CXADR: variants seen among roughly 807,000 people sequenced by gnomAD.
CXADR encodes the protein CXADR cell adhesion molecule.
A neutral mutation model predicts 40.3 loss-of-function variants in CXADR; 20 were observed. That is an observed-to-expected ratio of 0.50 (90% CI 0.35 to 0.72). The LOEUF (loss-of-function observed/expected upper bound fraction) is 0.72. Ranked by LOEUF, CXADR falls within the 30% of genes least tolerant of loss-of-function variation. The pLI, the probability that CXADR is intolerant of heterozygous loss-of-function variation, is 0.01. For synonymous variants in CXADR, 150 were observed against 161.3 expected (o/e 0.93, Z 0.53); for missense variants, 332 against 449.1 (o/e 0.74, Z 2.36).
At chr21:17,517,670 G>A (rs1372905810) in intron 1 of CXADR, among the ~76,000 whole-genome samples, 1 of 151,574 alleles carries the variant, frequency 6.6e-6, no homozygotes, top group Non-Finnish European at 1.5e-5. Context: ...TAAAATCGGG[G>A]AGAAATAAAA....
At chr21:17,521,878 T>C (rs962760563) in intron 1 of CXADR, among the ~76,000 whole-genome samples, 15 of 152,194 alleles carry the variant, frequency 9.9e-5, no homozygotes, top group African/African-American at 3.6e-4. Flanking sequence ...ATTCCTGAAC[T>C]TCAGACCTTT....
Position 17,521,385 on chromosome 21 carries a change from C to T in CXADR, c.43+8213C>T, listed in dbSNP as rs180893307. The stretch of plus-strand genomic sequence containing the variant: ...TTACCCAGGCTGGAGTGCAGTGGCA[C>T]GATCACGGTTCACTACAACTTCCAC... On this transcript the variant is annotated intron_variant, in intron 1 of 6. Transcript: ENST00000284878. Among the ~76,000 whole-genome samples the T allele has an allele frequency of 2.2e-4, 34 of 152,096 alleles. No individual in the cohort carries two copies. In the East Asian group the frequency reaches 6.2e-3, roughly 28 times the overall value.
intron 7 of CXADR, among the ~76,000 whole-genome samples, chr21:17,576,012 T>C (rs1426914405): frequency 7.1e-6 from 1 of 140,286 alleles, no homozygotes; most frequent in Non-Finnish European, 1.5e-5. Flanking sequence ...CACTTGAACC[T>C]GGGAGGCAGA....
At chr21:17,592,310 T>G (rs1416118402) in intron 7 of CXADR, among the ~76,000 whole-genome samples, 1 of 151,996 alleles carries the variant, frequency 6.6e-6, no homozygotes, top group African/African-American at 2.4e-5. Flanking sequence ...GTGCCTTATA[T>G]AAAATGGCTT....
intron 1 of CXADR, among the ~76,000 whole-genome samples, chr21:17,531,786 G>C (rs182502692): frequency 3.2e-4 from 48 of 151,888 alleles, no homozygotes; most frequent in Admixed American, 1.8e-3. Flanking sequence ...TCTCTTTTTG[G>C]TTTTTTAGAG....
Position 17,513,174 on chromosome 21 carries a change from T to A in CXADR, c.43+2T>A. 3 of 1,361,374 alleles carry A rather than the reference T, an allele frequency of 2.2e-6. No individual in the cohort carries two copies. Among genetic ancestry groups the A allele is most frequent in the South Asian group, 2.0e-5 (1 of 50,326 alleles). The allele number at this position is 1,361,374 out of a possible 1,614,324, so 84.3% of individuals were successfully genotyped here. Reference sequence around the variant, plus strand: ...TCGTGCTCCTGTGCGGAGTAGTGGGTGAGTAGGGGCCATGGGGTCCTCAGC... The same window carrying A: ...TCGTGCTCCTGTGCGGAGTAGTGGGAGAGTAGGGGCCATGGGGTCCTCAGC... On this transcript the variant is annotated splice_donor_variant, in intron 1 of 6. Transcript: ENST00000284878. LOFTEE classifies it high-confidence loss of function.
chr21:17,515,000 T>C (rs1183727915), intron 1 of CXADR, among the ~76,000 whole-genome samples: 2 of 152,086 alleles, frequency 1.3e-5, no homozygotes, highest in Non-Finnish European at 2.9e-5. Flanking sequence ...TGCCTCACTT[T>C]GATAGGCACA....
intron 7 of CXADR, among the ~76,000 whole-genome samples, chr21:17,582,735 TC>T (rs549323997): frequency 1.1e-4 from 17 of 152,362 alleles, no homozygotes; most frequent in African/African-American, 3.8e-4. Context: ...ATCTTTGGTT[TC>T]TTCAAGTTGT....
At chr21:17,605,936 A>G in the CXADR span, among the ~76,000 whole-genome samples, 1 of 152,198 alleles carries the variant, frequency 6.6e-6, no homozygotes, top group Non-Finnish European at 1.5e-5. Context: ...AATACAAGTT[A>G]ATTGATGAAT....
At chr21:17,579,920 T>C (rs1381722982) in intron 7 of CXADR, among the ~76,000 whole-genome samples, 3 of 152,174 alleles carry the variant, frequency 2.0e-5, no homozygotes, top group African/African-American at 7.2e-5. Flanking sequence ...CATTTACTAT[T>C]GCATATAGAG....
chr21:17,548,173 G>A (rs1175348665), intron 2 of CXADR, among the ~76,000 whole-genome samples: 1 of 152,032 alleles, frequency 6.6e-6, no homozygotes, highest in East Asian at 1.9e-4. Context: ...TACTTCATTT[G>A]TTCATGTAAA....
At chr21:17,575,461 G>A (rs1040524117) in intron 7 of CXADR, among the ~76,000 whole-genome samples, 2 of 151,122 alleles carry the variant, frequency 1.3e-5, no homozygotes, top group Non-Finnish European at 2.9e-5. Context: ...GATTACAGGT[G>A]TGAGCCACCA....
the CXADR span, among the ~76,000 whole-genome samples, chr21:17,607,790 G>A: frequency 6.6e-6 from 1 of 152,126 alleles, no homozygotes; most frequent in African/African-American, 2.4e-5. Flanking sequence ...TATTTCTCGT[G>A]GCCACATCCA....
At chr21:17,559,244 A>G (rs1042339983) in intron 4 of CXADR, 113 bp downstream of exon 4, 29 of 1,102,106 alleles carry the variant, frequency 2.6e-5, no homozygotes, top group Non-Finnish European at 3.3e-5. Flanking sequence ...GCTCACTGCA[A>G]TCACGGCTCA....
chr21:17,523,687 AATAAG>A (rs1339978717), intron 1 of CXADR, among the ~76,000 whole-genome samples: 3 of 152,030 alleles, frequency 2.0e-5, no homozygotes, highest in Non-Finnish European at 4.4e-5. Context: ...TAATTATTAA[AATAAG>A]ATAATTATTA....
At chr21:17,635,530 T>C in the CXADR span, among the ~76,000 whole-genome samples, 1 of 152,080 alleles carries the variant, frequency 6.6e-6, no homozygotes, top group East Asian at 1.9e-4. Flanking sequence ...CTCCAGAGGG[T>C]GGAATCACTT....
intron 1 of CXADR, among the ~76,000 whole-genome samples, chr21:17,514,028 T>G (rs1600931125): frequency 6.6e-6 from 1 of 152,100 alleles, no homozygotes; most frequent in Non-Finnish European, 1.5e-5. Flanking sequence ...GCGTGGACCA[T>G]TAGGAGGCGT....
the CXADR span, among the ~76,000 whole-genome samples, chr21:17,608,008 A>G: frequency 6.6e-6 from 1 of 152,230 alleles, no homozygotes; most frequent in South Asian, 2.1e-4. Context: ...GTGCCAAAAC[A>G]GTGGTAACAC....
the CXADR span, among the ~76,000 whole-genome samples, chr21:17,619,154 C>T: frequency 4.6e-5 from 7 of 152,130 alleles, no homozygotes; most frequent in Admixed American, 2.6e-4. Context: ...TCTTAAGGGC[C>T]CTAGGGTTTT....
Sources: gnomAD v4.1 joint callset for allele counts (sites outside exome capture counted in the v4.1 genomes callset) on GRCh38, gnomAD v4.1.1 for gene constraint, MANE v1.5 for transcripts, NCBI Gene and HGNC (gene_info 2026-07-23, HGNC 2026-07-21) for gene names.